The following CDH13 variants were observed in gnomAD, a reference collection of about 807,000 sequenced individuals.
CDH13 encodes the protein cadherin-13.
In CDH13, 24 loss-of-function variants were observed where a neutral mutation model predicts 63.8. The observed-to-expected ratio is 0.38, with a 90% confidence interval of 0.27 to 0.53. CDH13 has a LOEUF of 0.53. Among genes scored for constraint, CDH13 ranks in the 20% least tolerant of loss-of-function variants. The pLI is 0.85. For missense variants in CDH13, 1,049 were observed against 903.1 expected (o/e 1.16, Z -2.07); for synonymous variants, 503 against 355.3 (o/e 1.42, Z -4.67).
chr16:83,773,499 T>C (rs1435196566), intron 11 of CDH13, among the ~76,000 whole-genome samples: 1 of 152,076 alleles, frequency 6.6e-6, no homozygotes, highest in Non-Finnish European at 1.5e-5. Context: ...CAGACACTTA[T>C]AAAACCATCC....
At chr16:83,694,154 G>C (rs79530070) in intron 10 of CDH13, among the ~76,000 whole-genome samples, 3 of 152,158 alleles carry the variant, frequency 2.0e-5, no homozygotes, top group Non-Finnish European at 4.4e-5. Context: ...ATGAGTAGCC[G>C]CCAGATAGAA....
At chr16:82,754,827 C>G (rs1007262803) in intron 1 of CDH13, among the ~76,000 whole-genome samples, 8 of 152,162 alleles carry the variant, frequency 5.3e-5, no homozygotes, top group Admixed American at 5.2e-4. Flanking sequence ...AAAATCCAAA[C>G]CTTAACTAGT....
chr16:82,691,241 T>C (rs1435757237), intron 1 of CDH13, among the ~76,000 whole-genome samples: 1 of 152,198 alleles, frequency 6.6e-6, no homozygotes, highest in Admixed American at 6.5e-5. Flanking sequence ...ATGCATCAGG[T>C]ACTGTGCACC....
chr16:82,818,804 C>T (rs1052642061), intron 1 of CDH13, among the ~76,000 whole-genome samples: 5 of 152,126 alleles, frequency 3.3e-5, no homozygotes, highest in South Asian at 2.1e-4. Flanking sequence ...GTTGCATTTG[C>T]GTATTCATAT....
intron 7 of CDH13, among the ~76,000 whole-genome samples, chr16:83,579,831 G>A (rs1185759379): frequency 6.6e-6 from 1 of 151,896 alleles, no homozygotes; most frequent in East Asian, 1.9e-4. Flanking sequence ...AACACAGTGT[G>A]GGGGCAGAAA....
intron 10 of CDH13, among the ~76,000 whole-genome samples, chr16:83,719,890 C>G (rs1269830793): frequency 6.6e-6 from 1 of 152,150 alleles, no homozygotes; most frequent in Non-Finnish European, 1.5e-5. Flanking sequence ...TGGCATCTGC[C>G]CAGAAGGCAC....
chr16:82,755,866 A>G (rs2034594561), intron 1 of CDH13, among the ~76,000 whole-genome samples: 1 of 152,216 alleles, frequency 6.6e-6, no homozygotes, highest in Non-Finnish European at 1.5e-5. Context: ...AAATGGTGGT[A>G]GTAACATGAA....
chr16:83,530,893 G>A (rs2075069897), intron 7 of CDH13, among the ~76,000 whole-genome samples: 1 of 152,224 alleles, frequency 6.6e-6, no homozygotes, highest in Non-Finnish European at 1.5e-5. Flanking sequence ...CAGAGGCAGA[G>A]CTGTGCATTC....
chr16:83,682,175 A>T (rs1915461639), intron 10 of CDH13, among the ~76,000 whole-genome samples: 2 of 152,184 alleles, frequency 1.3e-5, no homozygotes, highest in Admixed American at 1.3e-4. Flanking sequence ...AATATGTTGA[A>T]AGTTAGGTGC....
chr16:83,581,582 G>A (rs1262973711), intron 7 of CDH13, among the ~76,000 whole-genome samples: 1 of 152,182 alleles, frequency 6.6e-6, no homozygotes, highest in Admixed American at 6.5e-5. Flanking sequence ...ACTTTGGGAG[G>A]CCAAGGCAGT....
At chr16:83,604,519 T>C (rs1908146943) in intron 8 of CDH13, among the ~76,000 whole-genome samples, 1 of 152,218 alleles carries the variant, frequency 6.6e-6, no homozygotes, top group African/African-American at 2.4e-5. Context: ...AACTGCAGGA[T>C]TTCTGATTAA....
intron 2 of CDH13, among the ~76,000 whole-genome samples, chr16:82,887,504 C>G (rs1321285626): frequency 6.6e-6 from 1 of 152,142 alleles, no homozygotes; most frequent in Non-Finnish European, 1.5e-5. Context: ...CAGGAAGGAT[C>G]TGGGTAGGTG....
intron 6 of CDH13, among the ~76,000 whole-genome samples, chr16:83,385,560 C>A (rs1284820313): frequency 6.6e-6 from 1 of 152,152 alleles, no homozygotes; most frequent in Non-Finnish European, 1.5e-5. Context: ...GCAAATAGGG[C>A]TCCTTCATCT....
intron 4 of CDH13, among the ~76,000 whole-genome samples, chr16:83,156,421 C>A (rs983187620): frequency 4.6e-5 from 7 of 152,082 alleles, no homozygotes; most frequent in African/African-American, 7.2e-5. Flanking sequence ...ATATCCATGG[C>A]CCTCTAAGAT....
intron 6 of CDH13, among the ~76,000 whole-genome samples, chr16:83,353,426 G>A (rs763435525): frequency 1.4e-4 from 21 of 152,250 alleles, no homozygotes; most frequent in Non-Finnish European, 2.8e-4. Context: ...CATTGCACAT[G>A]TTAGGACCCT....
intron 2 of CDH13, among the ~76,000 whole-genome samples, chr16:82,889,339 T>TACCA (rs1003448157): frequency 3.3e-5 from 5 of 152,008 alleles, no homozygotes; most frequent in Non-Finnish European, 5.9e-5. Flanking sequence ...CCTACCTATC[T>TACCA]ACCAACCAAC....
intron 2 of CDH13, among the ~76,000 whole-genome samples, chr16:82,918,582 C>G (rs1417970475): frequency 6.7e-6 from 1 of 149,936 alleles, no homozygotes; most frequent in East Asian, 2.0e-4. Flanking sequence ...TATCTCCGAT[C>G]CCTGGAACTT....
At chr16:82,888,352 T>G (rs952603140) in intron 2 of CDH13, among the ~76,000 whole-genome samples, 1 of 152,218 alleles carries the variant, frequency 6.6e-6, no homozygotes, top group Non-Finnish European at 1.5e-5. Context: ...GGACTGGGCC[T>G]GTGGGTTGCC....
chr16:82,890,797 A>T (rs1181367731), intron 2 of CDH13, among the ~76,000 whole-genome samples: 2 of 151,978 alleles, frequency 1.3e-5, no homozygotes, highest in Non-Finnish European at 2.9e-5. Flanking sequence ...GATTATATGC[A>T]TGCACCACCA....
Sources: gnomAD v4.1 joint callset for allele counts (sites outside exome capture counted in the v4.1 genomes callset) on GRCh38, gnomAD v4.1.1 for gene constraint, MANE v1.5 for transcripts, NCBI Gene and HGNC (gene_info 2026-07-23, HGNC 2026-07-21) for gene names.